Variants in CDH13 observed in about 807,000 individuals in gnomAD.
The protein encoded by CDH13 is cadherin-13.
CDH13 carries 24 observed loss-of-function variants against 63.8 expected under a neutral mutation model. The observed-to-expected ratio is 0.38, with a 90% CI of 0.27 to 0.53. The LOEUF (loss-of-function observed/expected upper bound fraction) is 0.53. CDH13 is among the 20% of genes least tolerant of loss of function. The pLI is 0.85. For synonymous variants in CDH13, 503 were observed against 355.3 expected, an observed-to-expected ratio of 1.42 and a Z score of -4.67; for missense variants, 1,049 against 903.1, an observed-to-expected ratio of 1.16 and a Z score of -2.07.
At chr16:83,091,313 T>C (rs2033896924) in intron 3 of CDH13, among the ~76,000 whole-genome samples, 2 of 152,182 alleles carry the variant, frequency 1.3e-5, no homozygotes, top group Non-Finnish European at 1.5e-5. Flanking sequence ...ATCTACTTTA[T>C]GTTGAATTAT....
At chr16:83,228,944 A>T (rs1475568961) in intron 5 of CDH13, among the ~76,000 whole-genome samples, 1 of 152,212 alleles carries the variant, frequency 6.6e-6, no homozygotes, top group African/African-American at 2.4e-5. Flanking sequence ...CACATCAGAT[A>T]GATGCAGTTT....
chr16:83,255,086 T>A (rs925624735), intron 5 of CDH13, among the ~76,000 whole-genome samples: 5 of 152,158 alleles, frequency 3.3e-5, no homozygotes, highest in African/African-American at 1.2e-4. Context: ...AGATGGCTCG[T>A]GAAGCAGCAG....
At chr16:83,271,559 G>T (rs770413527) in intron 5 of CDH13, among the ~76,000 whole-genome samples, 2 of 147,678 alleles carry the variant, frequency 1.4e-5, no homozygotes, top group African/African-American at 2.5e-5. Flanking sequence ...AGAAGTAACT[G>T]TCCAGAAAAG....
chr16:83,097,453 A>G (rs1438886122), intron 3 of CDH13, among the ~76,000 whole-genome samples: 1 of 152,358 alleles, frequency 6.6e-6, no homozygotes, highest in East Asian at 1.9e-4. Flanking sequence ...ATCAGTGTGC[A>G]TATGATCAAA....
chr16:82,733,511 A>C (rs1057078623), intron 1 of CDH13, among the ~76,000 whole-genome samples: 2 of 152,038 alleles, frequency 1.3e-5, no homozygotes. Flanking sequence ...GGCTGTGTAG[A>C]GCTCTCATTA....
intron 8 of CDH13, among the ~76,000 whole-genome samples, chr16:83,659,921 G>A (rs1250930025): frequency 6.6e-6 from 1 of 151,778 alleles, no homozygotes; most frequent in African/African-American, 2.4e-5. Flanking sequence ...CAAGTAGCGG[G>A]GACTACAGGC....
intron 10 of CDH13, among the ~76,000 whole-genome samples, chr16:83,733,409 C>T (rs532934550): frequency 6.6e-6 from 1 of 152,186 alleles, no homozygotes; most frequent in Non-Finnish European, 1.5e-5. Flanking sequence ...AATGCAGTCT[C>T]TATAGACGGT....
intron 2 of CDH13, among the ~76,000 whole-genome samples, chr16:82,904,604 A>C (rs1009578323): frequency 6.6e-6 from 1 of 152,214 alleles, no homozygotes. Flanking sequence ...AAAGGGAGTG[A>C]TGTATGGAGA....
At chr16:83,573,097 G>C (rs949876729) in intron 7 of CDH13, among the ~76,000 whole-genome samples, 14 of 152,124 alleles carry the variant, frequency 9.2e-5, no homozygotes, top group Admixed American at 1.3e-4. Flanking sequence ...TTGGTTTTAT[G>C]ACTGTGCACA....
chr16:83,748,000 G>T, intron 10 of CDH13, 108 bp from the exon 11 acceptor site: 1 of 1,195,944 alleles, frequency 8.4e-7, no homozygotes, highest in Non-Finnish European at 1.2e-6. Flanking sequence ...TTGGATTTTT[G>T]TTACCTAGGA....
Position 83,783,398 on chromosome 16 carries a change from T to C in CDH13, c.2060T>C (p.Val687Ala). ...GTGTGCTCCTGCAGGAATTCCAAAGTGGACTGCAACGCGGCAGGGGCCCTG... is the reference window on the plus strand; with the variant it reads ...GTGTGCTCCTGCAGGAATTCCAAAGCGGACTGCAACGCGGCAGGGGCCCTG... ...VQVCSCRNSK[V>A]DCNAAGALRF... The change falls in exon 13 of 14, where the codon GTG (valine) becomes GCG (alanine). Residue 687 changes from valine to alanine, a missense_variant. Coordinates refer to ENST00000567109, the MANE Select transcript of CDH13 (RefSeq NM_001257.5). 6.2e-7 allele frequency: 1 copy of C among 1,613,988 alleles called. No individual in the cohort carries two copies. The highest frequency in any genetic ancestry group is 2.2e-5 in the East Asian group (1 of 44,880).
chr16:83,346,331 G>C (rs902446182), intron 6 of CDH13, among the ~76,000 whole-genome samples: 1 of 152,138 alleles, frequency 6.6e-6, no homozygotes, highest in Non-Finnish European at 1.5e-5. Flanking sequence ...ATGGCTTCTG[G>C]TGAGAAACAC....
intron 8 of CDH13, among the ~76,000 whole-genome samples, chr16:83,653,677 G>A (rs1912600975): frequency 6.6e-6 from 1 of 152,188 alleles, no homozygotes; most frequent in South Asian, 2.1e-4. Flanking sequence ...CTGTTGGGAA[G>A]AGGTTTAGAA....
chr16:83,052,863 T>C (rs983449276), intron 3 of CDH13, among the ~76,000 whole-genome samples: 10 of 147,096 alleles, frequency 6.8e-5, no homozygotes, highest in African/African-American at 2.5e-4. Context: ...CAATGATTAA[T>C]AAAAAAGCTA....
chr16:83,030,667 C>T (rs928772646), intron 2 of CDH13, among the ~76,000 whole-genome samples: 1 of 105,072 alleles, frequency 9.5e-6, no homozygotes, highest in Admixed American at 8.9e-5. Context: ...AAAAAAAGCA[C>T]CCTGTGTGAT....
At chr16:82,848,611 C>G (rs2039360607) in intron 1 of CDH13, among the ~76,000 whole-genome samples, 1 of 151,566 alleles carries the variant, frequency 6.6e-6, no homozygotes, top group South Asian at 2.1e-4. Context: ...CAAACTGTGC[C>G]CATATAAGAT....
chr16:83,027,785 C>G (rs1329188561), intron 2 of CDH13, among the ~76,000 whole-genome samples: 1 of 152,182 alleles, frequency 6.6e-6, no homozygotes, highest in Non-Finnish European at 1.5e-5. Context: ...CTGTGCCAAT[C>G]TAACTGCTTA....
chr16:82,645,081 G>A (rs750794620), intron 1 of CDH13, among the ~76,000 whole-genome samples: 24 of 152,126 alleles, frequency 1.6e-4, no homozygotes, highest in Non-Finnish European at 3.1e-4. Flanking sequence ...GGAAACTCTT[G>A]TACACAGTGG....
At chr16:82,682,508 A>C (rs2150962726) in intron 1 of CDH13, among the ~76,000 whole-genome samples, 1 of 152,358 alleles carries the variant, frequency 6.6e-6, no homozygotes, top group Non-Finnish European at 1.5e-5. Context: ...GTATACATTT[A>C]CTTTCTCTTA....
Sources: gnomAD v4.1 joint callset for allele counts (sites outside exome capture counted in the v4.1 genomes callset) on GRCh38, gnomAD v4.1.1 for gene constraint, MANE v1.5 for transcripts, NCBI Gene and HGNC (gene_info 2026-07-23, HGNC 2026-07-21) for gene names.